BANP: variants seen among roughly 807,000 people sequenced by gnomAD.
BANP encodes the protein protein BANP.
In BANP, 11 loss-of-function variants were observed where a neutral mutation model predicts 68.1. That is an observed-to-expected ratio of 0.16 (90% CI 0.10 to 0.27). The LOEUF (loss-of-function observed/expected upper bound fraction) is 0.27. Ranked by LOEUF, BANP falls within the 10% of genes least tolerant of loss-of-function variation. BANP has a pLI of 1.00. For missense variants in BANP, 504 were observed against 722.7 expected (o/e 0.70, Z 3.47); for synonymous variants, 329 against 303.2 (o/e 1.09, Z -0.88).
intron 11 of BANP, among the ~76,000 whole-genome samples, chr16:88,049,238 C>T (rs984752327): frequency 2.6e-5 from 4 of 152,146 alleles, no homozygotes; most frequent in Non-Finnish European, 5.9e-5. Context: ...TCCCACGACC[C>T]GTCTTTGGGT....
intron 4 of BANP, among the ~76,000 whole-genome samples, chr16:87,993,890 C>T (rs2066512393): frequency 6.6e-6 from 1 of 152,206 alleles, no homozygotes; most frequent in Non-Finnish European, 1.5e-5. Context: ...TGTGAACCAC[C>T]ATGCCCGGCC....
At position 88,072,226 on chromosome 16, in the gene BANP, C is replaced by T. The variant is rs1176664251; in HGVS notation, c.1521+14C>T. 2 of 1,602,426 alleles carry T rather than the reference C, an allele frequency of 1.2e-6. No homozygotes were observed. Among genetic ancestry groups the T allele is most frequent in the Middle Eastern group, 2.2e-4 (1 of 4,540 alleles). On this transcript the variant is annotated intron_variant, in intron 13 of 13. Coordinates refer to ENST00000682872, the MANE Select transcript of BANP (RefSeq NM_001386991.1). The stretch of plus-strand genomic sequence containing the variant: ...GCCGGGGCACAGGTGAGTCTGGGGC[C>T]CCGCGCCGGGACACTGAAGTGATGG...
chr16:87,964,417 G>A (rs1012855470), intron 1 of BANP, among the ~76,000 whole-genome samples: 2 of 152,206 alleles, frequency 1.3e-5, no homozygotes, highest in East Asian at 1.9e-4. Flanking sequence ...TGCTGTGCAC[G>A]TCACCGTTGC....
chr16:88,055,131 T>C (rs1312799630), intron 11 of BANP, among the ~76,000 whole-genome samples: 1 of 152,142 alleles, frequency 6.6e-6, no homozygotes, highest in East Asian at 1.9e-4. Flanking sequence ...CCCTTTTTTT[T>C]TTTAAACAGA....
At chr16:88,007,120 G>A (rs957345552) in intron 6 of BANP, among the ~76,000 whole-genome samples, 19 of 151,962 alleles carry the variant, frequency 1.3e-4, no homozygotes, top group African/African-American at 3.9e-4. Flanking sequence ...ATCTTTCCAC[G>A]TTAGTGCAGA....
chr16:88,053,402 C>A (rs1646561961), intron 11 of BANP, among the ~76,000 whole-genome samples: 1 of 151,818 alleles, frequency 6.6e-6, no homozygotes, highest in South Asian at 2.1e-4. Flanking sequence ...ATCACCATCA[C>A]CAACACAACC....
rs144118711 is a variant in BANP, at chr16:88,061,041, G to T, written c.1312-4226G>T. Among the ~76,000 whole-genome samples, 855 of 152,280 alleles carry T rather than the reference G, an allele frequency of 5.6e-3. 8 individuals carry two copies. Among genetic ancestry groups the T allele is most frequent in the African/African-American group, 0.013 (553 of 41,572 alleles). ...CCCAGGAGCGCCGCCCTGCTGGAAG[G>T]GGGGGTGGGCGGCAAGCACCCGCAG... On this transcript the variant is annotated intron_variant, in intron 11 of 13. Transcript: ENST00000682872.
intron 2 of BANP, among the ~76,000 whole-genome samples, chr16:87,977,460 C>T (rs549291816): frequency 6.6e-6 from 1 of 152,090 alleles, no homozygotes; most frequent in African/African-American, 2.4e-5. Context: ...GCTCCGAGGC[C>T]TGCCCCAGTA....
intron 1 of BANP, among the ~76,000 whole-genome samples, chr16:87,956,220 C>T (rs2058030239): frequency 6.6e-6 from 1 of 152,212 alleles, no homozygotes. Context: ...ATGACTGTAA[C>T]TCACAGCACC....
chr16:87,971,594 A>G (rs1482569059), intron 1 of BANP, among the ~76,000 whole-genome samples: 1 of 142,972 alleles, frequency 7.0e-6, no homozygotes, highest in African/African-American at 2.6e-5. Context: ...TTCTTTAAAT[A>G]GTGTTTTTAT....
At chr16:88,044,855 G>A (rs923415357) in intron 11 of BANP, among the ~76,000 whole-genome samples, 5 of 152,180 alleles carry the variant, frequency 3.3e-5, no homozygotes, top group South Asian at 2.1e-4. Flanking sequence ...GGTGGCAGGC[G>A]CCTGTAGTCT....
intron 11 of BANP, among the ~76,000 whole-genome samples, chr16:88,052,879 A>T (rs983833065): frequency 2.7e-5 from 4 of 150,484 alleles, no homozygotes; most frequent in Non-Finnish European, 5.9e-5. Context: ...CACTACCACC[A>T]CCACCTTCTT....
rs1255920425 is a variant in BANP at position 88,076,573 on chromosome 16, C to CT, written c.1522-14dup. On this transcript the variant is annotated splice_polypyrimidine_tract_variant and intron_variant, in intron 13 of 13. Coordinates refer to ENST00000682872, the MANE Select transcript of BANP (RefSeq NM_001386991.1). ...TGGGTATTTTTCTAGAAAGTCCCTC[C>CT]TTTCTCCCTTTTGCAGACGGCCGAA... 2.5e-6 allele frequency: 4 copies of CT among 1,611,498 alleles called. No individual in the cohort carries two copies. The South Asian group carries it at 4.4e-5, about 18-fold the overall frequency.
At chr16:88,015,297 C>A (rs960454411) in intron 6 of BANP, among the ~76,000 whole-genome samples, 1 of 148,258 alleles carries the variant, frequency 6.7e-6, no homozygotes, top group African/African-American at 2.5e-5. Context: ...CCTGCCTGTG[C>A]CCTCTGCCCG....
chr16:87,972,758 C>CTT lies in BANP; in HGVS notation c.-68-2288_-68-2287dup, dbSNP rs200624170. 4.4e-3 allele frequency among the ~76,000 whole-genome samples: 677 copies of CTT among 152,240 alleles called. 6 individuals carry two copies. The highest frequency in any genetic ancestry group is 0.015 in the African/African-American group (610 of 41,526). The stretch of plus-strand genomic sequence containing the variant: ...CCACCTTTAATGAGCTTTCATGTTC[C>CTT]TTTGTCTCTAGTTTCCGTGCCCTGC... On this transcript the variant is annotated intron_variant, in intron 1 of 13. Transcript: ENST00000682872.
chr16:88,031,954 G>A (rs866576133), intron 8 of BANP, among the ~76,000 whole-genome samples: 1 of 151,796 alleles, frequency 6.6e-6, no homozygotes, highest in South Asian at 2.1e-4. Flanking sequence ...ACAGACGCGT[G>A]CCACCACACC....
chr16:88,050,312 C>T (rs2082956366), intron 11 of BANP, among the ~76,000 whole-genome samples: 1 of 152,024 alleles, frequency 6.6e-6, no homozygotes, highest in African/African-American at 2.4e-5. Flanking sequence ...CGGGCTACCA[C>T]ACCCAGTTGA....
intron 8 of BANP, among the ~76,000 whole-genome samples, 189 bp from the exon 9 acceptor site, chr16:88,032,920 T>G (rs1302044637): frequency 6.6e-6 from 1 of 152,240 alleles, no homozygotes; most frequent in East Asian, 1.9e-4. Flanking sequence ...GTCGGAAGCC[T>G]CAGTTCCTAA....
rs887465718 is a variant in BANP, at chr16:88,004,455, G to A, written c.479+44G>A. 11 of 1,102,084 alleles carry A rather than the reference G, an allele frequency of 1.0e-5. No individual in the cohort carries two copies. The highest frequency in any genetic ancestry group is 7.8e-5 in the East Asian group (3 of 38,678). The allele number at this position is 1,102,084 out of a possible 1,614,324, so 68.3% of individuals were successfully genotyped here. A position where few individuals can be genotyped will look rare whatever the true frequency, so the allele number is the denominator to read the frequency against. Reference sequence around the variant, plus strand: ...ACCCCACCTTTCCCTGCCACTGTGCGGAGTCCCATGAGAATAAGTCAACGT... The same window carrying A: ...ACCCCACCTTTCCCTGCCACTGTGCAGAGTCCCATGAGAATAAGTCAACGT... On this transcript the variant is annotated intron_variant, in intron 5 of 13. Transcript: ENST00000682872. The surrounding 1 kb of genome is among the most constrained non-coding windows in gnomAD (Gnocchi z 7.0).
Sources: gnomAD v4.1 joint callset for allele counts (sites outside exome capture counted in the v4.1 genomes callset) on GRCh38, gnomAD v4.1.1 for gene constraint, Gnocchi (gnomAD v3.1) non-coding constraint, MANE v1.5 for transcripts, NCBI Gene and HGNC (gene_info 2026-07-23, HGNC 2026-07-21) for gene names.